The following FHOD3 variants were observed in gnomAD, a reference collection of about 807,000 sequenced individuals.
FHOD3 encodes the protein formin homology 2 domain containing 3, also known as FH1/FH2 domain-containing protein 3.
Under a neutral mutation model 173.0 loss-of-function variants are expected in FHOD3, and 90 were observed. The ratio of observed to expected loss-of-function variants is 0.52; its 90% CI spans 0.44 to 0.62. The LOEUF (loss-of-function observed/expected upper bound fraction) is 0.62. Ranked by LOEUF, FHOD3 falls within the 20% of genes least tolerant of loss-of-function variation. The pLI is 0.00. For synonymous variants in FHOD3, 828 were observed against 823.0 expected, an observed-to-expected ratio of 1.01 and a Z score of -0.10; for missense variants, 1,945 against 2,034.7, an observed-to-expected ratio of 0.96 and a Z score of 0.85.
At chr18:36,470,992 C>G (rs534622604) in intron 3 of FHOD3, among the ~76,000 whole-genome samples, 1 of 152,196 alleles carries the variant, frequency 6.6e-6, no homozygotes, top group Non-Finnish European at 1.5e-5. Context: ...TCCTCTAGAG[C>G]AGAGACCTCA....
intron 5 of FHOD3, among the ~76,000 whole-genome samples, chr18:36,567,141 G>T (rs1384353258): frequency 6.6e-6 from 1 of 152,202 alleles, no homozygotes; most frequent in Non-Finnish European, 1.5e-5. Flanking sequence ...AGTGCTGAGG[G>T]GGAAGGGAAG....
intron 3 of FHOD3, among the ~76,000 whole-genome samples, chr18:36,449,624 G>A (rs2051705439): frequency 6.6e-6 from 1 of 152,130 alleles, no homozygotes; most frequent in Non-Finnish European, 1.5e-5. Context: ...TTCTAAAATA[G>A]CAGCAAAATA....
chr18:36,499,153 G>T (rs1264478485), intron 3 of FHOD3, among the ~76,000 whole-genome samples: 1 of 152,098 alleles, frequency 6.6e-6, no homozygotes, highest in African/African-American at 2.4e-5. Context: ...ACCTAGGCTG[G>T]AGTGCGGTGA....
At chr18:36,332,238 TC>T (rs1202625804) in intron 1 of FHOD3, among the ~76,000 whole-genome samples, 19 of 152,222 alleles carry the variant, frequency 1.2e-4, no homozygotes, top group Non-Finnish European at 2.1e-4. Context: ...TGGTTTGCCT[TC>T]CCTGCAGCAG....
chr18:36,558,676 G>T (rs1157413900), intron 5 of FHOD3, among the ~76,000 whole-genome samples: 1 of 152,018 alleles, frequency 6.6e-6, no homozygotes, highest in Non-Finnish European at 1.5e-5. Flanking sequence ...AAAAGGAGAG[G>T]GGTTAAGATC....
At chr18:36,565,977 G>A (rs979677874) in intron 5 of FHOD3, among the ~76,000 whole-genome samples, 1 of 152,174 alleles carries the variant, frequency 6.6e-6, no homozygotes, top group African/African-American at 2.4e-5. Flanking sequence ...CATTTAAAAT[G>A]CTGAGACCTA....
At chr18:36,595,853 C>T (rs943514556) in intron 7 of FHOD3, among the ~76,000 whole-genome samples, 4 of 152,222 alleles carry the variant, frequency 2.6e-5, no homozygotes, top group African/African-American at 9.6e-5. Flanking sequence ...TTATTATCAT[C>T]ATCCCCACAA....
intron 26 of FHOD3, among the ~76,000 whole-genome samples, chr18:36,759,519 A>G (rs1045424021): frequency 2.0e-5 from 3 of 152,244 alleles, no homozygotes; most frequent in Non-Finnish European, 4.4e-5. Flanking sequence ...CTGAAATCAA[A>G]GAGGAAGTGG....
At chr18:36,701,495 A>T (rs1600307253) in intron 17 of FHOD3, among the ~76,000 whole-genome samples, 1 of 152,148 alleles carries the variant, frequency 6.6e-6, no homozygotes, top group East Asian at 1.9e-4. Context: ...GCGTAATCTG[A>T]GGGGCAAGAG....
At chr18:36,514,170 AG>A (rs1457262007) in intron 5 of FHOD3, among the ~76,000 whole-genome samples, 1 of 151,510 alleles carries the variant, frequency 6.6e-6, no homozygotes, top group African/African-American at 2.4e-5. Context: ...CACCATGCCC[AG>A]CTAATTTTTT....
At chr18:36,658,889 A>T (rs961499763) in intron 14 of FHOD3, among the ~76,000 whole-genome samples, 4 of 152,068 alleles carry the variant, frequency 2.6e-5, no homozygotes, top group African/African-American at 9.7e-5. Context: ...ACCAACCCAT[A>T]CCTTAGAGGG....
At chr18:36,536,145 A>C (rs180885329) in intron 5 of FHOD3, among the ~76,000 whole-genome samples, 1 of 152,356 alleles carries the variant, frequency 6.6e-6, no homozygotes, top group Admixed American at 6.5e-5. Flanking sequence ...TGGCTGTGCA[A>C]AAACAAGTTA....
intron 17 of FHOD3, among the ~76,000 whole-genome samples, chr18:36,704,911 T>G (rs2149617889): frequency 6.6e-6 from 1 of 152,296 alleles, no homozygotes; most frequent in South Asian, 2.1e-4. Context: ...CCCTTACCCA[T>G]GTGTTCTTCC....
At chr18:36,716,069 T>G (rs1348095503) in intron 18 of FHOD3, among the ~76,000 whole-genome samples, 1 of 152,236 alleles carries the variant, frequency 6.6e-6, no homozygotes, top group Non-Finnish European at 1.5e-5. Flanking sequence ...GTGAACGTCA[T>G]GTCATTGGCC....
chr18:36,342,436 T>C (rs1788638210), intron 1 of FHOD3, among the ~76,000 whole-genome samples: 1 of 152,006 alleles, frequency 6.6e-6, no homozygotes, highest in East Asian at 1.9e-4. Context: ...TCATGGGAAT[T>C]AAAGGCAATG....
At chr18:36,415,874 G>T (rs996576877) in intron 3 of FHOD3, among the ~76,000 whole-genome samples, 1 of 152,194 alleles carries the variant, frequency 6.6e-6, no homozygotes, top group Non-Finnish European at 1.5e-5. Flanking sequence ...AAGACAGAGA[G>T]AAAGAAATTT....
intron 3 of FHOD3, among the ~76,000 whole-genome samples, chr18:36,475,556 G>A (rs2053518949): frequency 3.3e-5 from 5 of 152,072 alleles, no homozygotes; most frequent in Admixed American, 2.6e-4. Context: ...GGAAGGACTT[G>A]CCATCAAAAT....
At chr18:36,431,581 TC>T (rs761311571) in intron 3 of FHOD3, among the ~76,000 whole-genome samples, 11 of 152,218 alleles carry the variant, frequency 7.2e-5, no homozygotes, top group Non-Finnish European at 1.5e-4. Context: ...AGCTATGGCT[TC>T]AGTGGGTGGA....
chr18:36,746,181 T>C (rs528007532), intron 23 of FHOD3, among the ~76,000 whole-genome samples: 1 of 152,182 alleles, frequency 6.6e-6, no homozygotes, highest in Non-Finnish European at 1.5e-5. Flanking sequence ...CGTCCCTGAA[T>C]ACACAGCCAG....
Sources: gnomAD v4.1 joint callset for allele counts (sites outside exome capture counted in the v4.1 genomes callset) on GRCh38, gnomAD v4.1.1 for gene constraint, MANE v1.5 for transcripts, NCBI Gene and HGNC (gene_info 2026-07-23, HGNC 2026-07-21) for gene names.